The following ADAMTS12 variants were observed in gnomAD, a reference collection of about 807,000 sequenced individuals.
ADAMTS12 encodes the protein A disintegrin and metalloproteinase with thrombospondin motifs 12.
A neutral mutation model predicts 167.8 loss-of-function variants in ADAMTS12; 118 were observed. The observed-to-expected ratio is 0.70, with a 90% CI of 0.61 to 0.82. The LOEUF is 0.82. Among genes scored for constraint, ADAMTS12 ranks in the 40% least tolerant of loss-of-function variants. ADAMTS12 has a pLI of 0.00. For missense variants in ADAMTS12, 1,916 were observed against 1,998.8 expected, an observed-to-expected ratio of 0.96 and a Z score of 0.79; for synonymous variants, 704 against 716.9, an observed-to-expected ratio of 0.98 and a Z score of 0.29.
At chr5:33,740,164 C>A (rs1333234396) in intron 3 of ADAMTS12, among the ~76,000 whole-genome samples, 1 of 152,198 alleles carries the variant, frequency 6.6e-6, no homozygotes, top group Non-Finnish European at 1.5e-5. Context: ...CAGTCCATTT[C>A]TCTTTCAACT....
chr5:33,791,598 G>A (rs958583456), intron 2 of ADAMTS12, among the ~76,000 whole-genome samples: 3 of 152,014 alleles, frequency 2.0e-5, no homozygotes, highest in African/African-American at 7.3e-5. Context: ...TATATAATAG[G>A]CAGCTAAGCC....
chr5:33,528,223 A>G (rs1013908135), intron 23 of ADAMTS12, among the ~76,000 whole-genome samples: 2 of 152,112 alleles, frequency 1.3e-5, no homozygotes, highest in Non-Finnish European at 2.9e-5. Flanking sequence ...CTAAGCTATG[A>G]GGACTCAGAG....
At chr5:33,856,042 T>C (rs1749391362) in intron 2 of ADAMTS12, among the ~76,000 whole-genome samples, 1 of 152,210 alleles carries the variant, frequency 6.6e-6, no homozygotes, top group African/African-American at 2.4e-5. Context: ...TAATTGTGTC[T>C]TCTTGAGAAG....
chr5:33,828,756 A>T (rs1016380265), intron 2 of ADAMTS12, among the ~76,000 whole-genome samples: 12 of 152,172 alleles, frequency 7.9e-5, no homozygotes, highest in South Asian at 2.1e-4. Context: ...AGAAATATGT[A>T]TGTGGTTGGG....
intron 3 of ADAMTS12, among the ~76,000 whole-genome samples, chr5:33,697,559 C>G (rs1363136467): frequency 2.0e-5 from 2 of 100,582 alleles, no homozygotes; most frequent in Non-Finnish European, 4.0e-5. Context: ...GTACCCCGCT[C>G]CTTTTTCCCT....
intron 2 of ADAMTS12, among the ~76,000 whole-genome samples, chr5:33,808,124 G>A (rs1186817659): frequency 2.6e-5 from 4 of 152,312 alleles, no homozygotes; most frequent in East Asian, 1.9e-4. Context: ...AGCACGAGCC[G>A]CGTACAGAAA....
intron 3 of ADAMTS12, among the ~76,000 whole-genome samples, chr5:33,686,936 T>TATAGAGAGAG (rs70964412): frequency 4.3e-4 from 62 of 145,636 alleles, no homozygotes; most frequent in African/African-American, 1.5e-3. Flanking sequence ...TATATATATA[T>TATAGAGAGAG]AGAGAGAGAG....
chr5:33,595,810 G>A (rs761278534), intron 17 of ADAMTS12, 124 bp downstream of exon 17: 323 of 1,405,946 alleles, frequency 2.3e-4, no homozygotes, highest in Non-Finnish European at 2.0e-4. Context: ...CTCTAACCGC[G>A]TTCTTGTATT....
At chr5:33,712,738 C>T (rs1232997708) in intron 3 of ADAMTS12, among the ~76,000 whole-genome samples, 1 of 152,160 alleles carries the variant, frequency 6.6e-6, no homozygotes, top group Non-Finnish European at 1.5e-5. Context: ...CCAAACCTCA[C>T]AACTCTTCAG....
At chr5:33,840,245 T>C (rs1748698088) in intron 2 of ADAMTS12, 1 of 152,274 alleles carries the variant, frequency 6.6e-6, no homozygotes. Flanking sequence ...ATCTTCCTCT[T>C]TGTAAGATCT....
At position 33,891,960 on chromosome 5, in the gene ADAMTS12, T is replaced by C; in HGVS notation, c.-104A>G. 6.9e-7 allele frequency: 1 copy of C among 1,454,792 alleles called. No homozygotes were observed. 90.1% of individuals were successfully genotyped at this position (1,454,792 alleles called of 1,614,324 possible). A position where few individuals can be genotyped will look rare whatever the true frequency, so the allele number is the denominator to read the frequency against. ...AGCAGGAAGATGCAGGGGTGCATGG[T>C]CAGGCGCGAGAAGGCAGCGACTGCA... On this transcript the variant is annotated 5_prime_UTR_variant, in exon 1 of 24. Transcript: ENST00000504830.
intron 2 of ADAMTS12, among the ~76,000 whole-genome samples, chr5:33,804,909 AT>A (rs1443767588): frequency 6.6e-6 from 1 of 151,894 alleles, no homozygotes; most frequent in African/African-American, 2.4e-5. Context: ...GCACTACAGA[AT>A]AAAAAAAAAT....
intron 16 of ADAMTS12, among the ~76,000 whole-genome samples, chr5:33,605,879 T>C (rs73080354): frequency 0.018 from 2,810 of 152,300 alleles, 97 homozygotes; most frequent in African/African-American, 0.064. Context: ...AAATAAGTTA[T>C]ACAAAGTTAT....
chr5:33,736,057 G>GTTTTTTTTTTTTTTTTT (rs201311408), intron 3 of ADAMTS12, among the ~76,000 whole-genome samples: 1 of 142,256 alleles, frequency 7.0e-6, no homozygotes, highest in Non-Finnish European at 1.6e-5. Context: ...TTTTTTTGCT[G>GTTTTTTTTTTTTTTTTT]TTTTTTTTTT....
chr5:33,627,762 T>C (rs975570073), intron 13 of ADAMTS12, among the ~76,000 whole-genome samples: 3 of 152,130 alleles, frequency 2.0e-5, no homozygotes, highest in African/African-American at 7.2e-5. Flanking sequence ...TGAACGTAGA[T>C]CTAGCTCTGA....
At chr5:33,859,797 AG>A (rs1452837375) in intron 2 of ADAMTS12, among the ~76,000 whole-genome samples, 1 of 152,176 alleles carries the variant, frequency 6.6e-6, no homozygotes, top group African/African-American at 2.4e-5. Context: ...TCTGGGACAA[AG>A]CTTCCAGAGG....
chr5:33,674,705 G>A (rs757454854), intron 5 of ADAMTS12, among the ~76,000 whole-genome samples: 4 of 152,106 alleles, frequency 2.6e-5, no homozygotes, highest in Non-Finnish European at 4.4e-5. Context: ...ACAGATGCTC[G>A]TGTCCCATTA....
intron 16 of ADAMTS12, among the ~76,000 whole-genome samples, chr5:33,600,880 AGAG>A (rs1738153726): frequency 6.6e-6 from 1 of 152,200 alleles, no homozygotes; most frequent in African/African-American, 2.4e-5. Context: ...CACAAGAAGA[AGAG>A]AAGTGTAGGA....
rs13354626 is a variant in ADAMTS12, at chr5:33,614,101, C to T, written c.2527+137G>A. 4,298 of 1,219,806 alleles carry T rather than the reference C, an allele frequency of 3.5e-3. 119 individuals are homozygous for T. The African/African-American group carries it at 0.059, about 17-fold the overall frequency. The allele number at this position is 1,219,806 out of a possible 1,614,324, so 75.6% of individuals were successfully genotyped here. Reference sequence around the variant, plus strand: ...TCAAACCATGCCCATGTTCACTGTCCGCAGAGGCCCCTGGCCATCTCAGTG... The same window carrying T: ...TCAAACCATGCCCATGTTCACTGTCTGCAGAGGCCCCTGGCCATCTCAGTG... On this transcript the variant is annotated intron_variant, in intron 16 of 23. Coordinates refer to ENST00000504830, the MANE Select transcript of ADAMTS12 (RefSeq NM_030955.4).
Sources: allele counts gnomAD v4.1 joint callset (sites outside exome capture counted in the v4.1 genomes callset), GRCh38; gene constraint gnomAD v4.1.1; transcripts MANE v1.5; gene names NCBI Gene and HGNC (gene_info 2026-07-23, HGNC 2026-07-21).